GLYR1: variants seen among roughly 807,000 people sequenced by gnomAD.
The protein encoded by GLYR1 is glyoxylate reductase 1 homolog.
In GLYR1, 21 loss-of-function variants were observed where a neutral mutation model predicts 72.7. The observed-to-expected ratio is 0.29, with a 90% CI of 0.20 to 0.42. GLYR1 has a LOEUF of 0.42. GLYR1 is among the 10% of genes least tolerant of loss of function. GLYR1 has a pLI of 1.00. For synonymous variants in GLYR1, 392 were observed against 270.2 expected, an observed-to-expected ratio of 1.45 and a Z score of -4.42; for missense variants, 594 against 712.1, an observed-to-expected ratio of 0.83 and a Z score of 1.89.
At position 4,812,071 on chromosome 16, in the gene GLYR1, G is replaced by A; in HGVS notation, c.1282+15C>T. ...TGGCCCCAGGCTCCAGGCCTGACAG[G>A]TGCAGGCGTGTTACCTAGGAAGAAG... On this transcript the variant is annotated intron_variant, in intron 13 of 15. Coordinates refer to ENST00000321919, the MANE Select transcript of GLYR1 (RefSeq NM_032569.4). The A allele has an allele frequency of 1.2e-6, 2 of 1,610,698 alleles. No individual in the cohort carries two copies. Among genetic ancestry groups the A allele is most frequent in the South Asian group, 2.2e-5 (2 of 90,728 alleles).
chr16:4,829,027 ATT>A (rs1430684712), intron 5 of GLYR1, among the ~76,000 whole-genome samples: 1 of 152,036 alleles, frequency 6.6e-6, no homozygotes, highest in African/African-American at 2.4e-5. Flanking sequence ...GTCACATTAC[ATT>A]TTTTGTGGGT....
chr16:4,843,639 A>C (rs758454882), intron 3 of GLYR1: 4 of 1,288,888 alleles, frequency 3.1e-6, no homozygotes, highest in Non-Finnish European at 4.0e-6. Context: ...TCTGACATAT[A>C]AACTCCTGGA....
intron 13 of GLYR1, 107 bp downstream of exon 13, chr16:4,811,979 C>T: frequency 6.8e-7 from 1 of 1,478,622 alleles, no homozygotes; most frequent in Non-Finnish European, 9.1e-7. Flanking sequence ...AGGAAACCTT[C>T]CCCAGGGTCC....
intron 5 of GLYR1, 21 bp from the exon 6 acceptor site, chr16:4,823,928 C>A (rs754329654): frequency 6.3e-7 from 1 of 1,598,856 alleles, no homozygotes; most frequent in Non-Finnish European, 8.6e-7. Context: ...AGGGGCAGGG[C>A]ATTTTAAAAT....
chr16:4,838,301 C>T (rs1567798104), intron 3 of GLYR1, among the ~76,000 whole-genome samples: 1 of 152,188 alleles, frequency 6.6e-6, no homozygotes, highest in African/African-American at 2.4e-5. Flanking sequence ...TCCAGCGAGA[C>T]CGGTCCACCT....
intron 9 of GLYR1, among the ~76,000 whole-genome samples, chr16:4,820,319 A>G (rs1303604324): frequency 6.7e-6 from 1 of 150,012 alleles, no homozygotes; most frequent in Non-Finnish European, 1.5e-5. Flanking sequence ...ATGGCAACTG[A>G]GAGTCCTTCA....
At chr16:4,809,381 G>T (rs973071557) in intron 15 of GLYR1, among the ~76,000 whole-genome samples, 1 of 151,180 alleles carries the variant, frequency 6.6e-6, no homozygotes, top group African/African-American at 2.4e-5. Context: ...AGTAGAGATA[G>T]GGGTTTCAAC....
intron 10 of GLYR1, among the ~76,000 whole-genome samples, chr16:4,816,845 G>A (rs544875232): frequency 2.6e-5 from 4 of 151,964 alleles, no homozygotes; most frequent in African/African-American, 9.7e-5. Context: ...AAATTAGCCA[G>A]GTGTGGTGGC....
rs2083514109 is a variant in GLYR1, at chr16:4,814,632, G to A, written c.922C>T (p.Gln308Ter). 2 of 1,613,798 alleles carry A rather than the reference G, an allele frequency of 1.2e-6. No homozygotes were observed. Among genetic ancestry groups the A allele is most frequent in the South Asian group, 1.1e-5 (1 of 91,068 alleles). Residue 308 changes from glutamine to a stop codon, truncating the protein, a stop_gained, in exon 11 of 16, where the codon CAG becomes TAG. Transcript: ENST00000321919. LOFTEE classifies it high-confidence loss of function. ...RTAEKCDLFIQEGARLGRTPA... is the reference protein window; with the variant it reads ...RTAEKCDLFI ...GTTCTTCCCAGACGGGCCCCCTCCT[G>A]GATGAACAAATCACACTGCAAAAGT... is the stretch of plus-strand genomic sequence containing the variant.
intron 9 of GLYR1, 58 bp from the exon 10 acceptor site, chr16:4,817,755 G>T: frequency 9.4e-7 from 1 of 1,058,962 alleles, no homozygotes; most frequent in Non-Finnish European, 1.5e-6. Flanking sequence ...CGGTGATGAT[G>T]ATTCCATGCA....
chr16:4,837,687 C>T lies in GLYR1; in HGVS notation c.156-4775G>A, dbSNP rs557295195. ...GAGAACAAGCCGGCACGGTAGCTCA[C>T]GCCTATAATCCTAGCACTTTGGGAG... is the stretch of plus-strand genomic sequence containing the variant. On this transcript the variant is annotated intron_variant, in intron 3 of 15. Coordinates refer to ENST00000321919, the MANE Select transcript of GLYR1 (RefSeq NM_032569.4). Among the ~76,000 whole-genome samples the T allele has an allele frequency of 3.9e-5, 6 of 152,090 alleles. No homozygotes were observed. The South Asian group carries it at 6.2e-4, about 16-fold the overall frequency.
chr16:4,828,420 TAC>T (rs1567746533), intron 5 of GLYR1, among the ~76,000 whole-genome samples: 1 of 152,106 alleles, frequency 6.6e-6, no homozygotes, highest in Non-Finnish European at 1.5e-5. Context: ...CTTAATAGAC[TAC>T]AGTATAAACC....
At position 4,814,666 on chromosome 16, in the gene GLYR1, C is replaced by G. The variant is rs1567677269; in HGVS notation, c.907-19G>C. On this transcript the variant is annotated intron_variant, in intron 10 of 15. Transcript: ENST00000321919. ...AATCACACTGCAAAAGTCACAGATC[C>G]TAACGTGAGCTGCAGGCAGTGCACA... The G allele has an allele frequency of 6.4e-7, 1 of 1,560,024 alleles. No individual in the cohort carries two copies. The highest frequency in any genetic ancestry group is 8.8e-7 in the Non-Finnish European group (1 of 1,131,750).
At chr16:4,841,691 A>G (rs932660203) in intron 3 of GLYR1, among the ~76,000 whole-genome samples, 3 of 152,052 alleles carry the variant, frequency 2.0e-5, no homozygotes, top group African/African-American at 7.2e-5. Context: ...ACATAAGGAA[A>G]CAATGGCTTT....
intron 11 of GLYR1, chr16:4,814,057 T>A (rs2083477904): frequency 2.4e-6 from 1 of 410,986 alleles, no homozygotes; most frequent in Non-Finnish European, 4.3e-6. Flanking sequence ...GTGCATTTCT[T>A]TTTATTTAAA....
At chr16:4,818,565 G>A (rs1347146927) in intron 9 of GLYR1, among the ~76,000 whole-genome samples, 2 of 152,136 alleles carry the variant, frequency 1.3e-5, no homozygotes, top group Non-Finnish European at 2.9e-5. Flanking sequence ...TTGCAGGTGT[G>A]AACCACTGCA....
chr16:4,811,800 C>T lies in GLYR1; in HGVS notation c.1285G>A (p.Glu429Lys), dbSNP rs1468400002. 2 of 1,612,220 alleles carry T rather than the reference C, an allele frequency of 1.2e-6. No homozygotes were observed. The highest frequency in any genetic ancestry group is 8.5e-7 in the Non-Finnish European group (1 of 1,178,976). The change falls in exon 14 of 16, where the codon GAA (glutamate) becomes AAA (lysine). Residue 429 changes from glutamate to lysine, a missense_variant and splice_region_variant. Physicochemically the swap from Glu to Lys is moderately conservative, Grantham distance 56. This residue lies in a region of GLYR1 where 266 missense variants were observed against 358.4 expected (regional missense o/e 0.74). Transcript: ENST00000321919. ...AMGKTSFFLG[E>K]VGNAAKMMLI... ...ATCATCTTGGCTGCATTGCCCACTT[C>T]ACCTGCCCAGGGTAAAGACTCACGG...
At chr16:4,821,069 G>A in intron 9 of GLYR1, 1 of 459,546 alleles carries the variant, frequency 2.2e-6, no homozygotes, top group Admixed American at 3.5e-5. Flanking sequence ...CGGACATATT[G>A]ACTGAGAAGC....
At position 4,833,704 on chromosome 16, in the gene GLYR1, C is replaced by T. The variant is rs112489995; in HGVS notation, c.156-792G>A. Among the ~76,000 whole-genome samples, 74 of 151,984 alleles carry T rather than the reference C, an allele frequency of 4.9e-4. 1 individual carries two copies. The highest frequency in any genetic ancestry group is 1.6e-3 in the African/African-American group (68 of 41,454). On this transcript the variant is annotated intron_variant, in intron 3 of 15. Transcript: ENST00000321919. ...TTAAAGGTAGAAGAACATACACCTC[C>T]GATATGTAATTTTTAATTTCAACCA... is the stretch of plus-strand genomic sequence containing the variant.
Sources: gnomAD v4.1 joint callset for allele counts (sites outside exome capture counted in the v4.1 genomes callset) on GRCh38, gnomAD v4.1.1 for gene constraint, gnomAD v4.1.1 regional missense constraint, MANE v1.5 for transcripts, NCBI Gene and HGNC (gene_info 2026-07-23, HGNC 2026-07-21) for gene names.